RBM20: variants seen among roughly 807,000 people sequenced by gnomAD.
RBM20 encodes the protein RNA-binding protein 20.
Under a neutral mutation model 110.1 loss-of-function variants are expected in RBM20, and 51 were observed. That is an observed-to-expected ratio of 0.46 (90% CI 0.37 to 0.59). RBM20 has a LOEUF of 0.59. RBM20 is among the 20% of genes least tolerant of loss of function. The pLI, the probability that RBM20 is intolerant of heterozygous loss-of-function variation, is 0.00. For missense variants in RBM20, 1,512 were observed against 1,574.9 expected (o/e 0.96, Z 0.68); for synonymous variants, 589 against 618.2 (o/e 0.95, Z 0.70).
At chr10:110,779,001 T>C (rs1401652759) in intron 1 of RBM20, among the ~76,000 whole-genome samples, 3 of 152,206 alleles carry the variant, frequency 2.0e-5, no homozygotes, top group Non-Finnish European at 4.4e-5. Context: ...GGTTATTCCT[T>C]ATACTAGTTA....
intron 1 of RBM20, among the ~76,000 whole-genome samples, chr10:110,695,654 C>T (rs945066906): frequency 1.3e-5 from 2 of 152,180 alleles, no homozygotes; most frequent in Non-Finnish European, 2.9e-5. Flanking sequence ...CAGATGAGTT[C>T]GCTGATGGGA....
chr10:110,737,965 A>G (rs773996608), intron 1 of RBM20, among the ~76,000 whole-genome samples: 1 of 152,188 alleles, frequency 6.6e-6, no homozygotes, highest in African/African-American at 2.4e-5. Context: ...TGGGGCCTAT[A>G]AGACCAGGTC....
intron 2 of RBM20, among the ~76,000 whole-genome samples, 172 bp from the exon 3 acceptor site, chr10:110,783,194 A>G (rs1844376402): frequency 6.6e-6 from 1 of 152,138 alleles, no homozygotes; most frequent in Non-Finnish European, 1.5e-5. Flanking sequence ...GGAGGCAGGA[A>G]CAGTGGGAGG....
intron 7 of RBM20, 66 bp downstream of exon 7, chr10:110,799,984 G>A (rs1427647335): frequency 7.0e-7 from 1 of 1,435,148 alleles, no homozygotes; most frequent in East Asian, 2.5e-5. Flanking sequence ...TCCGTGTTAG[G>A]CACTGACCTA....
At chr10:110,767,497 C>T (rs1199724479) in intron 1 of RBM20, among the ~76,000 whole-genome samples, 2 of 135,956 alleles carry the variant, frequency 1.5e-5, no homozygotes, top group African/African-American at 2.9e-5. Context: ...TCAGACGGGG[C>T]GGCTGCGGGG....
chr10:110,728,793 G>A (rs548099126), intron 1 of RBM20, among the ~76,000 whole-genome samples: 1 of 152,294 alleles, frequency 6.6e-6, no homozygotes, highest in Admixed American at 6.5e-5. Context: ...TAGGAAGCTT[G>A]CTGAGTCGCC....
chr10:110,824,100 T>C (rs1227568283), intron 12 of RBM20, among the ~76,000 whole-genome samples: 1 of 152,096 alleles, frequency 6.6e-6, no homozygotes, highest in African/African-American at 2.4e-5. Flanking sequence ...TTCTTGCAAT[T>C]TCAGTCTCCC....
intron 1 of RBM20, among the ~76,000 whole-genome samples, chr10:110,730,464 T>A (rs1436655455): frequency 6.6e-6 from 1 of 152,198 alleles, no homozygotes; most frequent in Non-Finnish European, 1.5e-5. Flanking sequence ...TGAACACGGC[T>A]TCAGTCCCGA....
At chr10:110,712,315 A>G (rs1053450540) in intron 1 of RBM20, among the ~76,000 whole-genome samples, 2 of 152,238 alleles carry the variant, frequency 1.3e-5, no homozygotes, top group Non-Finnish European at 2.9e-5. Context: ...GTATAGCAGT[A>G]GCAATAATAG....
At chr10:110,676,603 A>G (rs1272184695) in intron 1 of RBM20, among the ~76,000 whole-genome samples, 1 of 152,242 alleles carries the variant, frequency 6.6e-6, no homozygotes, top group East Asian at 1.9e-4. Context: ...ACATTCTGCA[A>G]TTGTAGAGTT....
intron 8 of RBM20, among the ~76,000 whole-genome samples, chr10:110,811,679 C>CT (rs926220420): frequency 1.3e-5 from 2 of 151,872 alleles, no homozygotes; most frequent in Non-Finnish European, 2.9e-5. Flanking sequence ...CTTCCTAATT[C>CT]TTTTTTTTAA....
At chr10:110,684,015 C>T (rs1277776897) in intron 1 of RBM20, among the ~76,000 whole-genome samples, 2 of 152,066 alleles carry the variant, frequency 1.3e-5, no homozygotes, top group African/African-American at 2.4e-5. Flanking sequence ...TTTGGGGCGG[C>T]GGGAGATGAG....
At chr10:110,835,626 C>T (rs773928651) in intron 13 of RBM20, 5 of 314,780 alleles carry the variant, frequency 1.6e-5, no homozygotes, top group South Asian at 6.1e-5. Flanking sequence ...TGAGACACCA[C>T]GCTCGGCCTG....
Position 110,797,587 on chromosome 10 carries a change from T to C in RBM20, c.1607T>C (p.Ile536Thr), listed in dbSNP as rs794729145. Residue 536 changes from isoleucine to threonine, a missense_variant, in exon 6 of 14, where the codon ATT becomes ACT. This residue lies in a region of RBM20 where 1,149 missense variants were observed against 1,169.4 expected (regional missense o/e 0.98). Transcript: ENST00000369519. Reference protein sequence around the residue: ...PEGSCTENDVINLGLPFGKVT... With the variant: ...PEGSCTENDVTNLGLPFGKVT... ...GGAAGCTGCACTGAGAATGACGTCA[T>C]TAACCTGGGGCTGCCCTTTGGAAAG... is the stretch of plus-strand genomic sequence containing the variant. 1.1e-5 allele frequency: 17 copies of C among 1,551,768 alleles called. No homozygotes were observed. In the East Asian group the frequency reaches 4.2e-4, roughly 38 times the overall value.
chr10:110,781,338 A>G lies in RBM20; in HGVS notation c.729A>G (p.Glu243=). 1 of 1,551,698 alleles carries G rather than the reference A, an allele frequency of 6.4e-7. No homozygotes were observed. Among genetic ancestry groups the G allele is most frequent in the East Asian group, 2.4e-5 (1 of 40,920 alleles). ...GCTCTGGCCAGACATATGGCCCTGA[A>G]ACAGATGGTCAGCCTGGCTTCCTGC... The part of the protein sequence containing the change: ...KASSGQTYGP[E]TDGQPGFLPS... Residue 243 remains glutamate, a synonymous_variant, in exon 2 of 14, where the codon GAA becomes GAG. Transcript: ENST00000369519.
Position 110,812,388 on chromosome 10 carries a change from C to T in RBM20, c.1991C>T (p.Pro664Leu). The change falls in exon 9 of 14, where the codon CCC (proline) becomes CTC (leucine). Residue 664 changes from proline (P) to leucine (L), a missense_variant. Coordinates refer to ENST00000369519, the MANE Select transcript of RBM20 (RefSeq NM_001134363.3). ...SCSSSHSPPG[P>L]SRADWGNGRD... ...AGCTCTTCCCACAGCCCTCCGGGCC[C>T]CTCCCGGGCTGACTGGGGCAATGGC... The T allele has an allele frequency of 6.4e-7, 1 of 1,551,700 alleles. No homozygotes were observed. The highest frequency in any genetic ancestry group is 8.7e-7 in the Non-Finnish European group (1 of 1,147,012).
chr10:110,701,522 G>C (rs1357626977), intron 1 of RBM20, among the ~76,000 whole-genome samples: 2 of 152,164 alleles, frequency 1.3e-5, no homozygotes, highest in African/African-American at 4.8e-5. Context: ...TGCTGGTTGG[G>C]AGCTTGCCTT....
chr10:110,677,174 T>C (rs528285654), intron 1 of RBM20, among the ~76,000 whole-genome samples: 2 of 152,156 alleles, frequency 1.3e-5, no homozygotes, highest in Admixed American at 1.3e-4. Context: ...GCGTGCTAGC[T>C]CAGGCCTCTC....
rs959160131 is a variant in RBM20 at position 110,681,591 on chromosome 10, C to T, written c.191+36946C>T. 2.6e-4 allele frequency among the ~76,000 whole-genome samples: 39 copies of T among 152,220 alleles called. 2 individuals are homozygous for T. On this transcript the variant is annotated intron_variant, in intron 1 of 13. Coordinates refer to ENST00000369519, the MANE Select transcript of RBM20 (RefSeq NM_001134363.3). Reference sequence around the variant, plus strand: ...GAGGCTGGCCTAGAAATGGCAGCTGCTGCTGCTCCCCGTTAGCCTGAGGTC... The same window carrying T: ...GAGGCTGGCCTAGAAATGGCAGCTGTTGCTGCTCCCCGTTAGCCTGAGGTC...
Sources: gnomAD v4.1 joint callset for allele counts (sites outside exome capture counted in the v4.1 genomes callset) on GRCh38, gnomAD v4.1.1 for gene constraint, gnomAD v4.1.1 regional missense constraint, MANE v1.5 for transcripts, NCBI Gene and HGNC (gene_info 2026-07-23, HGNC 2026-07-21) for gene names.